The following PRRT1 variants were observed in gnomAD, a reference collection of about 807,000 sequenced individuals.
PRRT1 encodes proline rich transmembrane protein 1, also known as proline-rich transmembrane protein 1.
A neutral mutation model predicts 22.6 loss-of-function variants in PRRT1; 8 were observed. That is an observed-to-expected ratio of 0.35 (90% CI 0.21 to 0.64). PRRT1 has a LOEUF of 0.64. PRRT1 is among the 30% of genes least tolerant of loss of function. The pLI is 0.69. For missense variants in PRRT1, 315 were observed against 444.5 expected (o/e 0.71, Z 2.62); for synonymous variants, 176 against 203.6 (o/e 0.86, Z 1.15).
In PRRT1 at chr6:32,149,391, G is replaced by A. The variant is rs758627895; in HGVS notation, c.752C>T (p.Thr251Met). ...IAIFKAVQVR[T>M]ALARGDMVSA... ...CACCATGTCTCCGCGGGCCAAGGCCGTGCGCACCTACGGAGGAGGGGTGGG... is the reference window on the plus strand; with the variant it reads ...CACCATGTCTCCGCGGGCCAAGGCCATGCGCACCTACGGAGGAGGGGTGGG... Residue 251 changes from threonine (T) to methionine (M), a missense_variant, in exon 4 of 4, where the codon ACG becomes ATG. Thr to Met is a moderately conservative substitution (Grantham distance 81, BLOSUM62 -1). Around this residue, in one of 4 missense-constraint regions of PRRT1, gnomAD observed 25 missense variants for 47.8 expected, o/e 0.52. Transcript: ENST00000211413. This position sits in a 1 kb window ranked among gnomAD's most constrained non-coding sequence, Gnocchi z 8.7. 6.3e-6 allele frequency: 10 copies of A among 1,599,132 alleles called. No individual in the cohort carries two copies. Among genetic ancestry groups the A allele is most frequent in the South Asian group, 1.1e-5 (1 of 90,324 alleles).
Position 32,150,470 on chromosome 6 carries a change from C to T in PRRT1, c.456G>A (p.Ala152=). The change falls in exon 2 of 4, where the codon GCG becomes GCA. Residue 152 remains alanine (A), a synonymous_variant. Coordinates refer to ENST00000211413, the MANE Select transcript of PRRT1 (RefSeq NM_030651.4). The surrounding 1 kb of genome is among the most constrained non-coding windows in gnomAD (Gnocchi z 7.2). ...CCAGCGGCAGCGTGCCCACAGTCCC[C>T]GCGTGCGTGGGCACCACGAAGCCAG... ...QAPGFVVPTH[A]GTVGTLPLGG... 6.7e-7 allele frequency: 1 copy of T among 1,501,080 alleles called. No individual in the cohort carries two copies. Among genetic ancestry groups the T allele is most frequent in the African/African-American group, 1.5e-5 (1 of 68,062 alleles). The allele number at this position is 1,501,080 out of a possible 1,614,324, so 93.0% of individuals were successfully genotyped here.
At position 32,150,594 on chromosome 6, in the gene PRRT1, G is replaced by A; in HGVS notation, c.332C>T (p.Pro111Leu). Residue 111 changes from proline (P) to leucine (L), a missense_variant, in exon 2 of 4, where the codon CCT becomes CTT. By Grantham distance (98) the Pro-to-Leu change is moderately conservative. Around this residue, in one of 4 missense-constraint regions of PRRT1, gnomAD observed 263 missense variants for 328.5 expected, o/e 0.80. Coordinates refer to ENST00000211413, the MANE Select transcript of PRRT1 (RefSeq NM_030651.4). This position sits in a 1 kb window ranked among gnomAD's most constrained non-coding sequence, Gnocchi z 7.2. The part of the protein sequence containing the change: ...CATLPRMPPD[P>L]YLQETRFEGP... ...CTCGAAGCGAGTCTCCTGCAGGTAA[G>A]GGTCGGGTGGCATGCGGGGCAAGGT... The A allele has an allele frequency of 1.4e-6, 2 of 1,388,678 alleles. No individual in the cohort carries two copies. The highest frequency in any genetic ancestry group is 1.9e-6 in the Non-Finnish European group (2 of 1,074,420). The allele number at this position is 1,388,678 out of a possible 1,614,324, so 86.0% of individuals were successfully genotyped here.
At position 32,148,544 on chromosome 6, in the gene PRRT1, T is replaced by G; in HGVS notation, c.*678A>C. 3.0e-6 allele frequency: 1 copy of G among 332,462 alleles called. No homozygotes were observed. The allele number at this position is 332,462 out of a possible 1,614,324, so 20.6% of individuals were successfully genotyped here. A position where few individuals can be genotyped will look rare whatever the true frequency, so the allele number is the denominator to read the frequency against. ...TGGAAGGGAGTATTTACAGAGCGTT[T>G]ACAGGCAGGTTTCTTATCCCAGGGA... On this transcript the variant is annotated 3_prime_UTR_variant, in exon 4 of 4. Coordinates refer to ENST00000211413, the MANE Select transcript of PRRT1 (RefSeq NM_030651.4). The surrounding 1 kb of genome is among the most constrained non-coding windows in gnomAD (Gnocchi z 5.7).
chr6:32,148,932 G>C lies in PRRT1; in HGVS notation c.*290C>G, dbSNP rs1321102584. The C allele has an allele frequency of 7.4e-6, 5 of 677,310 alleles. No individual in the cohort carries two copies. In the East Asian group the frequency reaches 1.4e-4, roughly 19 times the overall value. 42.0% of individuals were successfully genotyped at this position (677,310 alleles called of 1,614,324 possible). ...ACCAAACCGAGGTTGCTCGGTTGGG[G>C]GCGCTACACTTTGAGGGTGAGGGGG... On this transcript the variant is annotated 3_prime_UTR_variant, in exon 4 of 4. Coordinates refer to ENST00000211413, the MANE Select transcript of PRRT1 (RefSeq NM_030651.4). This position sits in a 1 kb window ranked among gnomAD's most constrained non-coding sequence, Gnocchi z 5.7.
chr6:32,150,494 A>G lies in PRRT1; in HGVS notation c.432T>C (p.Pro144=). The change falls in exon 2 of 4, where the codon CCT becomes CCC. Residue 144 remains proline, a synonymous_variant. Transcript: ENST00000211413. The surrounding 1 kb of genome is among the most constrained non-coding windows in gnomAD (Gnocchi z 7.2). ...CCGCGTGCGTGGGCACCACGAAGCC[A>G]GGGGCCTGGGCAGTCTGGGCTGGCG... ...PPAPAQTAQA[P]GFVVPTHAGT... 1 of 1,472,486 alleles carries G rather than the reference A, an allele frequency of 6.8e-7. No homozygotes were observed. Among genetic ancestry groups the G allele is most frequent in the South Asian group, 1.4e-5 (1 of 71,502 alleles). 91.2% of individuals were successfully genotyped at this position (1,472,486 alleles called of 1,614,324 possible). A position where few individuals can be genotyped will look rare whatever the true frequency, so the allele number is the denominator to read the frequency against.
In PRRT1 at chr6:32,150,664, C is replaced by T. The variant is rs1783213565; in HGVS notation, c.262G>A (p.Ala88Thr). 1 of 1,274,934 alleles carries T rather than the reference C, an allele frequency of 7.8e-7. No homozygotes were observed. The highest frequency in any genetic ancestry group is 1.0e-6 in the Non-Finnish European group (1 of 983,962). 79.0% of individuals were successfully genotyped at this position (1,274,934 alleles called of 1,614,324 possible). Reference sequence around the variant, plus strand: ...GCCCCGGCAGCAGGGCCGGGAGGGGCGTGGTGGGGGGGCCTCGGCAGCGTG... The same window carrying T: ...GCCCCGGCAGCAGGGCCGGGAGGGGTGTGGTGGGGGGGCCTCGGCAGCGTG... ...SATLPRPPHH[A>T]PPGPAAGAPP... The change falls in exon 2 of 4, where the codon GCC becomes ACC. Residue 88 changes from alanine to threonine, a missense_variant. By Grantham distance (58) the Ala-to-Thr change is moderately conservative (BLOSUM62 0). Transcript: ENST00000211413. The surrounding 1 kb of genome is among the most constrained non-coding windows in gnomAD (Gnocchi z 7.2).
upstream of PRRT1, chr6:32,151,954 G>GGGA (rs1783326756): frequency 3.2e-6 from 1 of 309,254 alleles, no homozygotes; most frequent in Non-Finnish European, 6.2e-6. Context: ...GCAGCGGCGG[G>GGGA]GGGGGGGGGC....
rs1322104027 is a variant in PRRT1, at chr6:32,151,914, C to T, written c.-87G>A. 2 of 1,013,860 alleles carry T rather than the reference C, an allele frequency of 2.0e-6. No homozygotes were observed. The highest frequency in any genetic ancestry group is 3.1e-6 in the Non-Finnish European group (2 of 650,890). The allele number at this position is 1,013,860 out of a possible 1,614,324, so 62.8% of individuals were successfully genotyped here. On this transcript the variant is annotated 5_prime_UTR_variant, in exon 1 of 4. Coordinates refer to ENST00000211413, the MANE Select transcript of PRRT1 (RefSeq NM_030651.4). ...GAGTCTGGGTGCTGGATGGCGCAGCCGGCAGCAGCGCAGAGATGGAGAGAT... is the reference window on the plus strand; with the variant it reads ...GAGTCTGGGTGCTGGATGGCGCAGCTGGCAGCAGCGCAGAGATGGAGAGAT...
At chr6:32,152,166 G>C (rs1017903143), upstream of PRRT1, 1 of 661,732 alleles carries the variant, frequency 1.5e-6, no homozygotes, top group African/African-American at 1.8e-5. Context: ...ACCAGGCGAG[G>C]CGGGTGGGAC....
upstream of PRRT1, chr6:32,152,112 C>T (rs1292421312): frequency 5.7e-6 from 4 of 700,108 alleles, no homozygotes; most frequent in Non-Finnish European, 8.0e-6. Context: ...TTCAAGCCCC[C>T]AGTTTGGGTT....
Position 32,151,819 on chromosome 6 carries a change from G to C in PRRT1, c.9C>G (p.Ser3=). 3 of 1,610,644 alleles carry C rather than the reference G, an allele frequency of 1.9e-6. No individual in the cohort carries two copies. The highest frequency in any genetic ancestry group is 2.5e-6 in the Non-Finnish European group (3 of 1,179,014). Residue 3 remains serine (S), a synonymous_variant, in exon 1 of 4, where the codon TCC becomes TCG. Coordinates refer to ENST00000211413, the MANE Select transcript of PRRT1 (RefSeq NM_030651.4). ...TGTTATTGTTTTTACCTGACTTTTC[G>C]GATGACATGCCTGCGGTCTCGCTGG... MS[S]EKSGLPDSVP...
In PRRT1 at chr6:32,150,575, G is replaced by T; in HGVS notation, c.351C>A (p.Arg117=). 7.3e-7 allele frequency: 1 copy of T among 1,367,520 alleles called. No homozygotes were observed. The allele number at this position is 1,367,520 out of a possible 1,614,324, so 84.7% of individuals were successfully genotyped here. A position where few individuals can be genotyped will look rare whatever the true frequency, so the allele number is the denominator to read the frequency against. ...MPPDPYLQET[R]FEGPLPPPPP... ...GCGGCGGGGGAAGTGGGCCCTCGAA[G>T]CGAGTCTCCTGCAGGTAAGGGTCGG... Residue 117 remains arginine (R), a synonymous_variant, in exon 2 of 4, where the codon CGC becomes CGA. Coordinates refer to ENST00000211413, the MANE Select transcript of PRRT1 (RefSeq NM_030651.4). This position sits in a 1 kb window ranked among gnomAD's most constrained non-coding sequence, Gnocchi z 7.2.
In PRRT1 at chr6:32,149,530, C is replaced by T; in HGVS notation, c.744+7G>A. 1 of 1,613,042 alleles carries T rather than the reference C, an allele frequency of 6.2e-7. No individual in the cohort carries two copies. ...GCCCCCAAACCGAGTATGCCCCTGC[C>T]CCCTACCTGCACGGCCTTGAAGATG... is the stretch of plus-strand genomic sequence containing the variant. On this transcript the variant is annotated splice_region_variant and intron_variant, in intron 3 of 3. Coordinates refer to ENST00000211413, the MANE Select transcript of PRRT1 (RefSeq NM_030651.4). The surrounding 1 kb of genome is among the most constrained non-coding windows in gnomAD (Gnocchi z 8.7).
Position 32,149,169 on chromosome 6 carries a change from GA to G in PRRT1, c.*52del, listed in dbSNP as rs777239578. ...CCATTGGGTCCGCGGTATGACTGCA[GA>G]AAGAGCCTGGGAGATCGAGGGGCGC... On this transcript the variant is annotated 3_prime_UTR_variant, in exon 4 of 4. Coordinates refer to ENST00000211413, the MANE Select transcript of PRRT1 (RefSeq NM_030651.4). The surrounding 1 kb of genome is among the most constrained non-coding windows in gnomAD (Gnocchi z 8.7). 1 of 1,589,938 alleles carries G rather than the reference GA, an allele frequency of 6.3e-7. No homozygotes were observed. Among genetic ancestry groups the G allele is most frequent in the South Asian group, 1.1e-5 (1 of 88,276 alleles).
chr6:32,150,014 C>T lies in PRRT1; in HGVS notation c.559-292G>A, dbSNP rs533197470. 2.2e-4 allele frequency among the ~76,000 whole-genome samples: 34 copies of T among 152,160 alleles called. No homozygotes were observed. The South Asian group carries it at 4.6e-3, about 20-fold the overall frequency. ...AGACCTTCTTTCTTCCCTCCAGACA[C>T]CTACCAGGCCTCCCCTACCCCCTTA... On this transcript the variant is annotated intron_variant, in intron 2 of 3. Transcript: ENST00000211413. This position sits in a 1 kb window ranked among gnomAD's most constrained non-coding sequence, Gnocchi z 7.2.
In PRRT1 at chr6:32,150,669, TG is replaced by T. The variant is rs775530006; in HGVS notation, c.256del (p.His86ThrfsTer79). ...SSSATLPRPP[H>X]HAPPGPAAGA... ...GGCAGCAGGGCCGGGAGGGGCGTGG[TG>T]GGGGGGCCTCGGCAGCGTGGCAGAG... On this transcript the variant is annotated frameshift_variant, in exon 2 of 4. Transcript: ENST00000211413. LOFTEE classifies it high-confidence loss of function. This position sits in a 1 kb window ranked among gnomAD's most constrained non-coding sequence, Gnocchi z 7.2. 2.2e-6 allele frequency: 3 copies of T among 1,343,248 alleles called. No individual in the cohort carries two copies. The highest frequency in any genetic ancestry group is 2.9e-6 in the Non-Finnish European group (3 of 1,044,622). 83.2% of individuals were successfully genotyped at this position (1,343,248 alleles called of 1,614,324 possible). A position where few individuals can be genotyped will look rare whatever the true frequency, so the allele number is the denominator to read the frequency against.
At chr6:32,153,037 T>A (rs1783445093), upstream of PRRT1, 1 of 180,204 alleles carries the variant, frequency 5.5e-6, no homozygotes, top group South Asian at 9.6e-5. This position sits in a 1 kb window ranked among gnomAD's most constrained non-coding sequence, Gnocchi z 4.4. Context: ...TACAGAGCAG[T>A]ACAGAGGCTC....
Position 32,149,165 on chromosome 6 carries a change from T to A in PRRT1, c.*57A>T, listed in dbSNP as rs1242201291. ...GCGCCCATTGGGTCCGCGGTATGACTGCAGAAAGAGCCTGGGAGATCGAGG... is the reference window on the plus strand; with the variant it reads ...GCGCCCATTGGGTCCGCGGTATGACAGCAGAAAGAGCCTGGGAGATCGAGG... On this transcript the variant is annotated 3_prime_UTR_variant, in exon 4 of 4. Transcript: ENST00000211413. The surrounding 1 kb of genome is among the most constrained non-coding windows in gnomAD (Gnocchi z 8.7). 1.3e-6 allele frequency: 2 copies of A among 1,581,504 alleles called. No individual in the cohort carries two copies. The highest frequency in any genetic ancestry group is 1.7e-6 in the Non-Finnish European group (2 of 1,159,006).
At chr6:32,151,986 A>AGGGGGGGGGGGG, upstream of PRRT1, 4 of 75,946 alleles carry the variant, frequency 5.3e-5, no homozygotes, top group South Asian at 1.1e-4. Flanking sequence ...GCGGAGGGAG[A>AGGGGGGGGGGGG]GCGGGGAGGG....
Sources: gnomAD v4.1 joint callset for allele counts (sites outside exome capture counted in the v4.1 genomes callset) on GRCh38, gnomAD v4.1.1 for gene constraint, gnomAD v4.1.1 regional missense constraint, Gnocchi (gnomAD v3.1) non-coding constraint, MANE v1.5 for transcripts, NCBI Gene and HGNC (gene_info 2026-07-23, HGNC 2026-07-21) for gene names.